Variants in LOC122539214 observed in about 807,000 individuals in gnomAD.
chr19:52,670,910 A>G, the LOC122539214 span, among the ~76,000 whole-genome samples: 1 of 152,350 alleles, frequency 6.6e-6, no homozygotes, highest in African/African-American at 2.4e-5. Flanking sequence ...AAGATAAAAG[A>G]TGTTGGAGAC....
chr19:52,666,739 C>T, the LOC122539214 span, among the ~76,000 whole-genome samples: 11,993 of 152,008 alleles, frequency 0.079, 1,571 homozygotes, highest in African/African-American at 0.27. Flanking sequence ...TCCATTAACC[C>T]AGCAGGTTTT....
the LOC122539214 span, among the ~76,000 whole-genome samples, chr19:52,659,788 AAAC>A: frequency 6.6e-6 from 1 of 152,346 alleles, no homozygotes; most frequent in South Asian, 2.1e-4. Context: ...GACCTATAAC[AAAC>A]AACATCATAA....
chr19:52,678,973 CA>C, the LOC122539214 span, among the ~76,000 whole-genome samples: 80,700 of 138,206 alleles, frequency 0.58, 22,401 homozygotes, highest in Admixed American at 0.66. Context: ...GACTCCATCT[CA>C]AAAAAAAAAA....
At chr19:52,689,573 G>A in the LOC122539214 span, among the ~76,000 whole-genome samples, 1 of 148,764 alleles carries the variant, frequency 6.7e-6, no homozygotes, top group East Asian at 2.0e-4. Context: ...TGTCCTTCAT[G>A]TCTCTGTACA....
At chr19:52,688,950 GAAAAAAAAAA>G in the LOC122539214 span, among the ~76,000 whole-genome samples, 17 of 126,804 alleles carry the variant, frequency 1.3e-4, no homozygotes, top group Admixed American at 5.1e-4. Context: ...AAGGTTGAAG[GAAAAAAAAAA>G]AAAAAAAAAA....
At chr19:52,690,041 G>A in the LOC122539214 span, among the ~76,000 whole-genome samples, 1 of 152,196 alleles carries the variant, frequency 6.6e-6, no homozygotes, top group Admixed American at 6.5e-5. Flanking sequence ...CAGAGGACAC[G>A]GCCTCCCCGG....
the LOC122539214 span, among the ~76,000 whole-genome samples, chr19:52,688,877 A>ATAACGCTGTCCGAATAGCCAAGTC: frequency 1.3e-5 from 2 of 151,618 alleles, no homozygotes; most frequent in Admixed American, 1.3e-4. Flanking sequence ...CGGTTACAGG[A>ATAACGCTGTCCGAATAGCCAAGTC]TAACGCTGTC....
chr19:52,658,684 G>A, the LOC122539214 span, among the ~76,000 whole-genome samples: 21 of 152,150 alleles, frequency 1.4e-4, no homozygotes, highest in African/African-American at 4.1e-4. Context: ...GAAGGCACCC[G>A]GTTCTTACCT....
At chr19:52,654,223 C>A in the LOC122539214 span, 1 of 1,584,712 alleles carries the variant, frequency 6.3e-7, no homozygotes. Flanking sequence ...TGCTTCATGG[C>A]CATTTCTTTT....
the LOC122539214 span, chr19:52,655,214 T>A: frequency 4.2e-6 from 1 of 237,582 alleles, no homozygotes; most frequent in Non-Finnish European, 8.0e-6. Context: ...AAAAGCAGAA[T>A]CACAGCTGGA....
chr19:52,662,668 G>A, the LOC122539214 span, among the ~76,000 whole-genome samples: 3 of 152,032 alleles, frequency 2.0e-5, no homozygotes, highest in African/African-American at 4.8e-5. Flanking sequence ...AATCATTTCA[G>A]GGGTCAGTGT....
chr19:52,664,637 G>C, the LOC122539214 span, among the ~76,000 whole-genome samples: 6 of 152,090 alleles, frequency 3.9e-5, no homozygotes, highest in Non-Finnish European at 8.8e-5. Context: ...GCCAGGACTG[G>C]GGGGTGGAAC....
the LOC122539214 span, among the ~76,000 whole-genome samples, chr19:52,667,224 GAAAA>G: frequency 9.3e-5 from 8 of 86,222 alleles, no homozygotes; most frequent in East Asian, 3.9e-3. Flanking sequence ...TATCATCTTT[GAAAA>G]AAAAAAAAAA....
chr19:52,671,566 C>A, the LOC122539214 span, among the ~76,000 whole-genome samples: 1 of 152,128 alleles, frequency 6.6e-6, no homozygotes, highest in Non-Finnish European at 1.5e-5. Context: ...GCCACACCTC[C>A]CAACTAGCTG....
the LOC122539214 span, among the ~76,000 whole-genome samples, chr19:52,661,735 G>T: frequency 6.6e-6 from 1 of 152,164 alleles, no homozygotes; most frequent in African/African-American, 2.4e-5. Flanking sequence ...CCAGTGAACA[G>T]CGAAGGAGCT....
At chr19:52,657,166 G>C in the LOC122539214 span, among the ~76,000 whole-genome samples, 2,372 of 151,884 alleles carry the variant, frequency 0.016, 51 homozygotes, top group African/African-American at 0.05. Context: ...ACAACTTCAA[G>C]AAATCATAAA....
chr19:52,690,415 A>C, the LOC122539214 span: 1 of 164,674 alleles, frequency 6.1e-6, no homozygotes, highest in Non-Finnish European at 1.3e-5. Flanking sequence ...TGGGAAATGC[A>C]GACTTAATAC....
the LOC122539214 span, among the ~76,000 whole-genome samples, chr19:52,663,445 C>A: frequency 6.6e-6 from 1 of 152,176 alleles, no homozygotes; most frequent in Non-Finnish European, 1.5e-5. Context: ...TCCAGCCCAT[C>A]CTTCAACATC....
the LOC122539214 span, among the ~76,000 whole-genome samples, chr19:52,690,002 G>C: frequency 6.6e-6 from 1 of 152,130 alleles, no homozygotes; most frequent in Non-Finnish European, 1.5e-5. Flanking sequence ...TGAGGACAAG[G>C]GTGGGGTCTG....
Sources: gnomAD v4.1 joint callset for allele counts (sites outside exome capture counted in the v4.1 genomes callset) on GRCh38, gnomAD v4.1.1 for gene constraint, MANE v1.5 for transcripts.